The following ZNF14 variants were observed in gnomAD, a reference collection of about 807,000 sequenced individuals.
The protein encoded by ZNF14 is zinc finger protein 14, also known as gonadotropin inducible transcription repressor-4.
A neutral mutation model predicts 11.3 loss-of-function variants in ZNF14; 9 were observed. That is an observed-to-expected ratio of 0.80 (90% CI 0.48 to 1.39). ZNF14 has a LOEUF of 1.39. Ranked by LOEUF, ZNF14 falls within the 40% of genes most tolerant of loss-of-function variation. The pLI is 0.00. For missense variants in ZNF14, 711 were observed against 763.9 expected (o/e 0.93, Z 0.82); for synonymous variants, 239 against 245.7 (o/e 0.97, Z 0.25).
intron 1 of ZNF14, among the ~76,000 whole-genome samples, chr19:19,723,062 C>G (rs1196463638): frequency 6.6e-6 from 1 of 151,722 alleles, no homozygotes; most frequent in South Asian, 2.1e-4. Context: ...AATTGAATAC[C>G]CTTTATTTCT....
Position 19,711,659 on chromosome 19 carries a change from AG to A in ZNF14, c.1621del (p.Leu541PhefsTer165), listed in dbSNP as rs1160832430. On this transcript the variant is annotated frameshift_variant, in exon 4 of 4. Transcript: ENST00000344099. LOFTEE classifies it low-confidence loss of function (END_TRUNC). Reference sequence around the variant, plus strand: ...ATGCAATCGAATTTGACTGGAACGAAGGAAGGCCTTACCACATTGCTTACAC... The same window carrying A: ...ATGCAATCGAATTTGACTGGAACGAAGAAGGCCTTACCACATTGCTTACAC... ...FECKQCGKAF[L>X]RSSQIRLHER... 1.2e-6 allele frequency: 2 copies of A among 1,613,512 alleles called. No individual in the cohort carries two copies. The highest frequency in any genetic ancestry group is 2.7e-5 in the African/African-American group (2 of 74,740).
intron 3 of ZNF14, among the ~76,000 whole-genome samples, 194 bp from the exon 4 acceptor site, chr19:19,713,283 T>G (rs538476654): frequency 4.6e-5 from 7 of 152,236 alleles, no homozygotes; most frequent in African/African-American, 1.2e-4. Flanking sequence ...AGTCAATTTT[T>G]TTGTTGTTGT....
At chr19:19,718,976 G>C (rs1010712911) in intron 1 of ZNF14, among the ~76,000 whole-genome samples, 1 of 152,126 alleles carries the variant, frequency 6.6e-6, no homozygotes. Context: ...ATGTTGGCCA[G>C]GTGGGTGTCA....
At chr19:19,723,133 A>AGAGG (rs1325095838) in intron 1 of ZNF14, among the ~76,000 whole-genome samples, 4 of 152,184 alleles carry the variant, frequency 2.6e-5, no homozygotes, top group Non-Finnish European at 4.4e-5. Context: ...GAGTGGTGAG[A>AGAGG]GAGGGCATCC....
chr19:19,713,095 A>C lies in ZNF14; in HGVS notation c.192-6T>G. Reference sequence around the variant, plus strand: ...GTCTCTCAACCATATGACATCTGTAAAAAATGAATAGCACATTATTAGTGG... The same window carrying C: ...GTCTCTCAACCATATGACATCTGTACAAAATGAATAGCACATTATTAGTGG... On this transcript the variant is annotated splice_polypyrimidine_tract_variant and splice_region_variant and intron_variant, in intron 3 of 3. Transcript: ENST00000344099. The C allele has an allele frequency of 6.4e-7, 1 of 1,556,452 alleles. No homozygotes were observed.
chr19:19,728,985 T>TC (rs1371719654), intron 1 of ZNF14, among the ~76,000 whole-genome samples: 2 of 152,050 alleles, frequency 1.3e-5, no homozygotes, highest in Non-Finnish European at 2.9e-5. Flanking sequence ...AGTAATCTTT[T>TC]CCCCCCGACA....
Position 19,733,066 on chromosome 19 carries a change from G to A in ZNF14, c.-108C>T, listed in dbSNP as rs2062428900. The A allele has an allele frequency of 9.8e-6, 14 of 1,424,586 alleles. No individual in the cohort carries two copies. Among genetic ancestry groups the A allele is most frequent in the South Asian group, 1.3e-5 (1 of 79,752 alleles). 88.2% of individuals were successfully genotyped at this position (1,424,586 alleles called of 1,614,324 possible). ...GAGCCACCTTCGGCCTTCAGGAGCA[G>A]GTGAAACGCAATCTTCCCATGGGCC... On this transcript the variant is annotated 5_prime_UTR_variant, in exon 1 of 4. Coordinates refer to ENST00000344099, the MANE Select transcript of ZNF14 (RefSeq NM_021030.3).
In ZNF14 at chr19:19,711,424, T is replaced by G; in HGVS notation, c.1857A>C (p.Gln619His). The change falls in exon 4 of 4, where the codon CAA (glutamine) becomes CAC (histidine). Residue 619 changes from glutamine to histidine, a missense_variant. By Grantham distance (24) the Gln-to-His change is conservative. Coordinates refer to ENST00000344099, the MANE Select transcript of ZNF14 (RefSeq NM_021030.3). The part of the protein sequence containing the change: ...HTGEKPYECK[Q>H]CGKAFISSSH... ...TGGAAGAAATGAAGGCTTTTCCACA[T>G]TGTTTGCATTCATAAGGTTTCTCTC... The G allele has an allele frequency of 1.2e-6, 2 of 1,604,780 alleles. No individual in the cohort carries two copies. Among genetic ancestry groups the G allele is most frequent in the Non-Finnish European group, 1.7e-6 (2 of 1,176,580 alleles).
At chr19:19,717,929 T>TGACA (rs1364385872) in intron 1 of ZNF14, among the ~76,000 whole-genome samples, 1 of 152,134 alleles carries the variant, frequency 6.6e-6, no homozygotes, top group African/African-American at 2.4e-5. Context: ...AGCCCAAAGA[T>TGACA]GACAGGAGAG....
At chr19:19,732,920 G>A (rs541181732) in intron 1 of ZNF14, 36 bp downstream of exon 1, 19 of 1,612,956 alleles carry the variant, frequency 1.2e-5, no homozygotes, top group Non-Finnish European at 1.5e-5. Flanking sequence ...GTTCCAACCA[G>A]AAACCTCCCC....
intron 1 of ZNF14, among the ~76,000 whole-genome samples, chr19:19,723,543 CT>C (rs539774000): frequency 4.0e-5 from 6 of 151,656 alleles, no homozygotes; most frequent in African/African-American, 1.2e-4. Context: ...CTAAAATTCT[CT>C]TTTTTTTGTT....
At position 19,713,052 on chromosome 19, in the gene ZNF14, C is replaced by T. The variant is rs748331301; in HGVS notation, c.229G>A (p.Gly77Ser). The part of the protein sequence containing the change: ...MVERLCESRR[G>S]SKCGETTSQM... ...CTAGTGGTTTCTCCACATTTGCTACCTCTTCTACTTTCACAGAGTCTCTCA... is the reference window on the plus strand; with the variant it reads ...CTAGTGGTTTCTCCACATTTGCTACTTCTTCTACTTTCACAGAGTCTCTCA... Residue 77 changes from glycine (G) to serine (S), a missense_variant, in exon 4 of 4, where the codon GGT (glycine) becomes AGT (serine). Transcript: ENST00000344099. 6 of 1,609,876 alleles carry T rather than the reference C, an allele frequency of 3.7e-6. No individual in the cohort carries two copies. The East Asian group carries it at 1.1e-4, about 30-fold the overall frequency.
intron 1 of ZNF14, among the ~76,000 whole-genome samples, chr19:19,721,719 T>C (rs967037471): frequency 6.6e-6 from 1 of 152,126 alleles, no homozygotes; most frequent in Non-Finnish European, 1.5e-5. Context: ...CCTAGCACTT[T>C]GGGAGGCCGA....
chr19:19,712,818 AG>A lies in ZNF14; in HGVS notation c.462del (p.Cys155AlafsTer12). Reference protein sequence around the residue: ...KAVGKTFSYHHCFRKHERTHT... With the variant: ...KAVGKTFSYHXCFRKHERTHT... The stretch of plus-strand genomic sequence containing the variant: ...TGAGTTCTTTCATGTTTGCGAAAGC[AG>A]TGGTGATAACTGAAGGTTTTCCCAA... On this transcript the variant is annotated frameshift_variant, in exon 4 of 4. Transcript: ENST00000344099. LOFTEE classifies it low-confidence loss of function (END_TRUNC). 2.5e-6 allele frequency: 4 copies of A among 1,614,212 alleles called. No individual in the cohort carries two copies. The highest frequency in any genetic ancestry group is 3.4e-6 in the Non-Finnish European group (4 of 1,180,030).
chr19:19,715,909 A>G (rs1427475211), intron 1 of ZNF14, among the ~76,000 whole-genome samples: 2 of 152,320 alleles, frequency 1.3e-5, no homozygotes, highest in African/African-American at 4.8e-5. Context: ...ATTAATTTCA[A>G]CTTGTTTGTG....
In ZNF14 at chr19:19,712,545, T is replaced by C. The variant is rs2062364691; in HGVS notation, c.736A>G (p.Thr246Ala). 9 of 1,613,348 alleles carry C rather than the reference T, an allele frequency of 5.6e-6. No homozygotes were observed. Among genetic ancestry groups the C allele is most frequent in the East Asian group, 2.2e-5 (1 of 44,870 alleles). The change falls in exon 4 of 4, where the codon ACT (threonine) becomes GCT (alanine). Residue 246 changes from threonine to alanine, a missense_variant. By Grantham distance (58) the Thr-to-Ala change is moderately conservative. Coordinates refer to ENST00000344099, the MANE Select transcript of ZNF14 (RefSeq NM_021030.3). The part of the protein sequence containing the change: ...QSFQRHKRTH[T>A]GEKPYECKQC... ...TTACATTCATAGGGTTTCTCTCCAG[T>C]GTGAGTCCTTTTGTGTCTTTGAAAA...
chr19:19,730,635 G>A (rs182678286), intron 1 of ZNF14, among the ~76,000 whole-genome samples: 60 of 152,234 alleles, frequency 3.9e-4, no homozygotes, highest in Middle Eastern at 3.4e-3. Context: ...AATACAGGCC[G>A]GGCGCAGTGG....
chr19:19,729,054 G>A (rs1299603794), intron 1 of ZNF14, among the ~76,000 whole-genome samples: 1 of 152,104 alleles, frequency 6.6e-6, no homozygotes, highest in Non-Finnish European at 1.5e-5. Context: ...TCAGCTCGCC[G>A]CAACCTCCGC....
In ZNF14 at chr19:19,727,737, G is replaced by C. The variant is rs1263055044; in HGVS notation, c.3+5219C>G. On this transcript the variant is annotated intron_variant, in intron 1 of 3. Coordinates refer to ENST00000344099, the MANE Select transcript of ZNF14 (RefSeq NM_021030.3). Reference sequence around the variant, plus strand: ...GTTTCTACACACACATCCAATCAATGCATCTTTATAGACGCTTGGCATGTA... The same window carrying C: ...GTTTCTACACACACATCCAATCAATCCATCTTTATAGACGCTTGGCATGTA... 1.5e-5 allele frequency among the ~76,000 whole-genome samples: 2 copies of C among 133,768 alleles called. 1 individual carries two copies. The highest frequency in any genetic ancestry group is 4.2e-4 in the East Asian group (2 of 4,776). 87.8% of individuals were successfully genotyped at this position (133,768 alleles called of 152,430 possible). A position where few individuals can be genotyped will look rare whatever the true frequency, so the allele number is the denominator to read the frequency against.
Sources: gnomAD v4.1 joint callset for allele counts (sites outside exome capture counted in the v4.1 genomes callset) on GRCh38, gnomAD v4.1.1 for gene constraint, MANE v1.5 for transcripts, NCBI Gene and HGNC (gene_info 2026-07-23, HGNC 2026-07-21) for gene names.